Variants in KIF26B observed in about 807,000 individuals in gnomAD.
KIF26B encodes the protein kinesin-like protein KIF26B.
In KIF26B, 63 loss-of-function variants were observed where a neutral mutation model predicts 151.2. The observed-to-expected ratio is 0.42, with a 90% CI of 0.34 to 0.51. The LOEUF is 0.51. Among genes scored for constraint, KIF26B ranks in the 20% least tolerant of loss-of-function variants. KIF26B has a pLI of 0.07. For synonymous variants in KIF26B, 1,357 were observed against 1,262.1 expected (o/e 1.08, Z -1.59); for missense variants, 2,813 against 2,913.6 (o/e 0.97, Z 0.79).
At chr1:245,544,249 A>G (rs988113571) in intron 5 of KIF26B, among the ~76,000 whole-genome samples, 7 of 152,212 alleles carry the variant, frequency 4.6e-5, no homozygotes, top group Admixed American at 3.9e-4. Context: ...TTAATATAGA[A>G]CATAAATAAT....
intron 2 of KIF26B, among the ~76,000 whole-genome samples, chr1:245,317,073 G>A (rs1671794026): frequency 6.6e-6 from 1 of 152,182 alleles, no homozygotes; most frequent in South Asian, 2.1e-4. Flanking sequence ...GAATTTTCCT[G>A]CTGTGTTGTT....
intron 2 of KIF26B, among the ~76,000 whole-genome samples, chr1:245,327,302 G>T (rs1370074237): frequency 2.6e-5 from 4 of 151,738 alleles, no homozygotes; most frequent in African/African-American, 7.3e-5. Flanking sequence ...AAACAGATGT[G>T]AGTGTTTGAA....
rs1353355625 is a variant in KIF26B at position 245,601,256 on chromosome 1, G to T, written c.1351-1321G>T. 6.6e-6 allele frequency among the ~76,000 whole-genome samples: 1 copy of T among 152,196 alleles called. No individual in the cohort carries two copies. The highest frequency in any genetic ancestry group is 2.4e-5 in the African/African-American group (1 of 41,464). On this transcript the variant is annotated intron_variant, in intron 5 of 14. Coordinates refer to ENST00000407071, the MANE Select transcript of KIF26B (RefSeq NM_018012.4). The surrounding 1 kb of genome is among the most constrained non-coding windows in gnomAD (Gnocchi z 4.4). ...AGAAGGCAAGCACAGCGGGGACACG[G>T]TGCAGGACACCTGCGGACCCAGTGC...
chr1:245,532,038 T>A (rs113630631), intron 4 of KIF26B, among the ~76,000 whole-genome samples: 2,598 of 152,172 alleles, frequency 0.017, 74 homozygotes, highest in African/African-American at 0.058. Flanking sequence ...CAGTGGGCTA[T>A]GATCATGCCA....
chr1:245,502,079 A>G (rs545609596), intron 4 of KIF26B, among the ~76,000 whole-genome samples: 1 of 152,354 alleles, frequency 6.6e-6, no homozygotes, highest in East Asian at 1.9e-4. Flanking sequence ...CTGATAAAAA[A>G]GGAATCTTGT....
At chr1:245,365,941 CAAAGT>C (rs1672939113) in intron 2 of KIF26B, among the ~76,000 whole-genome samples, 1 of 152,192 alleles carries the variant, frequency 6.6e-6, no homozygotes, top group Non-Finnish European at 1.5e-5. Context: ...AATCCTAAAG[CAAAGT>C]AAATAAGAGA....
intron 4 of KIF26B, among the ~76,000 whole-genome samples, chr1:245,455,122 T>G (rs1659483754): frequency 6.6e-6 from 1 of 152,184 alleles, no homozygotes. Flanking sequence ...ATGTTTGCAT[T>G]GGTATCCGAT....
At chr1:245,607,066 CAAAAAA>C (rs35411674) in intron 6 of KIF26B, among the ~76,000 whole-genome samples, 4 of 72,682 alleles carry the variant, frequency 5.5e-5, no homozygotes, top group Admixed American at 1.6e-4. Flanking sequence ...AACTCCGTCT[CAAAAAA>C]AAAAAAAAAA....
In KIF26B at chr1:245,499,014, GCAACCGGTTGC is replaced by G. The variant is rs1224953685; in HGVS notation, c.1167-41750_1167-41740del. On this transcript the variant is annotated intron_variant, in intron 4 of 14. Transcript: ENST00000407071. Reference sequence around the variant, plus strand: ...AAGCAGACACAGTTACATTCATGAGGCAACCGGTTGCCAGACTAGTGTGACTCCTGAAGGAA... The same window carrying G: ...AAGCAGACACAGTTACATTCATGAGGCAGACTAGTGTGACTCCTGAAGGAA... 7.9e-5 allele frequency among the ~76,000 whole-genome samples: 12 copies of G among 152,242 alleles called. No homozygotes were observed. The East Asian group carries it at 2.1e-3, about 27-fold the overall frequency.
chr1:245,613,878 A>T (rs1215310757), intron 9 of KIF26B, among the ~76,000 whole-genome samples: 1 of 152,174 alleles, frequency 6.6e-6, no homozygotes, highest in Non-Finnish European at 1.5e-5. Context: ...AGTTTTGGCC[A>T]ATCTATACAG....
intron 4 of KIF26B, among the ~76,000 whole-genome samples, chr1:245,479,204 A>G (rs1660109303): frequency 6.6e-6 from 1 of 151,846 alleles, no homozygotes; most frequent in African/African-American, 2.4e-5. Flanking sequence ...AAGATCACTA[A>G]GGCTCCCATT....
chr1:245,155,065 G>A lies in KIF26B; in HGVS notation c.-360G>A, dbSNP rs1668401388. On this transcript the variant is annotated 5_prime_UTR_variant, in exon 1 of 15. Coordinates refer to ENST00000407071, the MANE Select transcript of KIF26B (RefSeq NM_018012.4). ...CCCACCTTCCCGGCAGCGGCCGCGA[G>A]CCCTGATTGTATCCCTCGCTTTCCT... is the stretch of plus-strand genomic sequence containing the variant. The A allele has an allele frequency of 4.3e-6, 2 of 463,852 alleles. No individual in the cohort carries two copies. Among genetic ancestry groups the A allele is most frequent in the Non-Finnish European group, 7.4e-6 (2 of 268,760 alleles). 28.7% of individuals were successfully genotyped at this position (463,852 alleles called of 1,614,324 possible).
chr1:245,305,849 A>G (rs949904930), intron 2 of KIF26B, among the ~76,000 whole-genome samples: 2 of 146,670 alleles, frequency 1.4e-5, no homozygotes, highest in African/African-American at 5.0e-5. Flanking sequence ...GAGGCAGAAG[A>G]ATGGCTTGAA....
chr1:245,206,473 T>C (rs1669408312), intron 2 of KIF26B: 1 of 152,330 alleles, frequency 6.6e-6, no homozygotes, highest in East Asian at 1.9e-4. Flanking sequence ...CCAATAATCA[T>C]GCAAGAATGT....
At position 245,687,233 on chromosome 1, in the gene KIF26B, G is replaced by T. The variant is rs1039821152; in HGVS notation, c.4250G>T (p.Gly1417Val). The T allele has an allele frequency of 7.4e-6, 12 of 1,612,796 alleles. No individual in the cohort carries two copies. In the Admixed American group the frequency reaches 1.3e-4, roughly 18 times the overall value. Residue 1417 changes from glycine to valine, a missense_variant, in exon 12 of 15, where the codon GGC (glycine) becomes GTC (valine). Around this residue, in one of 3 missense-constraint regions of KIF26B, gnomAD observed 2,060 missense variants for 2,088.6 expected, o/e 0.99. Coordinates refer to ENST00000407071, the MANE Select transcript of KIF26B (RefSeq NM_018012.4). This position sits in a 1 kb window ranked among gnomAD's most constrained non-coding sequence, Gnocchi z 4.9. ...GCCCCCACCGCCACCCCCAAAGCAG[G>T]CCCCACATTAGCCCAGTCCCGGGAG... is the stretch of plus-strand genomic sequence containing the variant. ...PEAPTATPKA[G>V]PTLAQSRESK...
At chr1:245,370,174 A>G (rs1673078918) in intron 3 of KIF26B, among the ~76,000 whole-genome samples, 1 of 152,162 alleles carries the variant, frequency 6.6e-6, no homozygotes. Flanking sequence ...TACACTCGCA[A>G]TTTGTAAAAT....
chr1:245,324,559 G>C (rs1671948830), intron 2 of KIF26B, among the ~76,000 whole-genome samples: 1 of 152,162 alleles, frequency 6.6e-6, no homozygotes, highest in South Asian at 2.1e-4. Flanking sequence ...AGTGCTTGTG[G>C]TTGGGATTCC....
chr1:245,600,184 G>A (rs61831268), intron 5 of KIF26B, among the ~76,000 whole-genome samples: 122 of 91,358 alleles, frequency 1.3e-3, no homozygotes, highest in African/African-American at 5.1e-3. Flanking sequence ...GACTACAGGC[G>A]CCCGCCACCA....
At chr1:245,215,924 A>T (rs1258883828) in intron 2 of KIF26B, among the ~76,000 whole-genome samples, 1 of 152,108 alleles carries the variant, frequency 6.6e-6, no homozygotes, top group African/African-American at 2.4e-5. Context: ...AGAAAATTTG[A>T]CTTTATATTA....
Sources: gnomAD v4.1 joint callset for allele counts (sites outside exome capture counted in the v4.1 genomes callset) on GRCh38, gnomAD v4.1.1 for gene constraint, gnomAD v4.1.1 regional missense constraint, Gnocchi (gnomAD v3.1) non-coding constraint, MANE v1.5 for transcripts, NCBI Gene and HGNC (gene_info 2026-07-23, HGNC 2026-07-21) for gene names.